The following ZNF599 variants were observed in gnomAD, a reference collection of about 807,000 sequenced individuals.
The protein encoded by ZNF599 is zinc finger protein 599.
A neutral mutation model predicts 11.7 loss-of-function variants in ZNF599; 10 were observed. That is an observed-to-expected ratio of 0.86 (90% CI 0.53 to 1.45). The LOEUF is 1.45. ZNF599 is among the 40% of genes most tolerant of loss of function. The probability of loss-of-function intolerance (pLI) is 0.00; values close to 1 mark genes in which losing one functional copy is unlikely to be tolerated. For synonymous variants in ZNF599, 232 were observed against 253.2 expected, an observed-to-expected ratio of 0.92 and a Z score of 0.79; for missense variants, 688 against 713.6, an observed-to-expected ratio of 0.96 and a Z score of 0.41.
At chr19:34,777,985 A>AG (rs888782104), upstream of ZNF599, among the ~76,000 whole-genome samples, 3 of 151,912 alleles carry the variant, frequency 2.0e-5, no homozygotes, top group Non-Finnish European at 2.9e-5. Context: ...CTACAGTAAA[A>AG]GGGGGGGAGG....
intron 2 of ZNF599, among the ~76,000 whole-genome samples, chr19:34,767,758 TAGTC>T (rs2069154584): frequency 6.6e-6 from 1 of 152,124 alleles, no homozygotes; most frequent in African/African-American, 2.4e-5. Context: ...CATCTATTGA[TAGTC>T]AGTTGTGTGA....
At chr19:34,787,750 C>T in the ZNF599 span, among the ~76,000 whole-genome samples, 1 of 152,146 alleles carries the variant, frequency 6.6e-6, no homozygotes, top group Non-Finnish European at 1.5e-5. Flanking sequence ...CTTCAACAGC[C>T]CATTACTTGA....
chr19:34,806,475 G>A, the ZNF599 span, among the ~76,000 whole-genome samples: 320 of 152,262 alleles, frequency 2.1e-3, 1 homozygote, highest in African/African-American at 7.6e-3. Flanking sequence ...AAGTGAAACC[G>A]TGCCCCAGGG....
chr19:34,761,308 G>A (rs1217768840), intron 3 of ZNF599, among the ~76,000 whole-genome samples: 9 of 152,170 alleles, frequency 5.9e-5, no homozygotes, highest in African/African-American at 1.9e-4. Flanking sequence ...GAAGAAAATT[G>A]TAAAACTTAA....
rs773616721 is a variant in ZNF599 at position 34,767,324 on chromosome 19, G to A, written c.233C>T (p.Thr78Ile). 1.8e-5 allele frequency: 29 copies of A among 1,613,902 alleles called. No homozygotes were observed. Among genetic ancestry groups the A allele is most frequent in the African/African-American group, 4.0e-5 (3 of 74,898 alleles). ...GACTCTCAGTCACCAACCTGCGCAG[G>A]TGCTTTGGGAGAGGCCTCTCTTCAC... ...WTVKRGLSQSTCAGEKAKPKI... is the reference protein window; with the variant it reads ...WTVKRGLSQSICAGEKAKPKI... Residue 78 changes from threonine (T) to isoleucine (I), a missense_variant, in exon 3 of 4, where the codon ACC becomes ATC. Physicochemically the swap from Thr to Ile is moderately conservative, Grantham distance 89. Transcript: ENST00000329285.
At chr19:34,799,420 G>A in the ZNF599 span, among the ~76,000 whole-genome samples, 34 of 152,210 alleles carry the variant, frequency 2.2e-4, no homozygotes, top group East Asian at 1.7e-3. Flanking sequence ...ATAATATTCC[G>A]TTGTGTGGAT....
rs1172837066 is a variant in ZNF599, at chr19:34,773,153, A to G, written c.-312T>C. 6 of 373,416 alleles carry G rather than the reference A, an allele frequency of 1.6e-5. No individual in the cohort carries two copies. Among genetic ancestry groups the G allele is most frequent in the Non-Finnish European group, 1.9e-5 (4 of 208,752 alleles). The allele number at this position is 373,416 out of a possible 1,614,324, so 23.1% of individuals were successfully genotyped here. A position where few individuals can be genotyped will look rare whatever the true frequency, so the allele number is the denominator to read the frequency against. ...AAAAGTGGCCCCTGTCTGGCGTTCT[A>G]CCCAGTGTAGCGTTGGCAACCACAG... is the stretch of plus-strand genomic sequence containing the variant. On this transcript the variant is annotated 5_prime_UTR_variant, in exon 1 of 4. Coordinates refer to ENST00000329285, the MANE Select transcript of ZNF599 (RefSeq NM_001007248.3).
chr19:34,799,419 C>T, the ZNF599 span, among the ~76,000 whole-genome samples: 4 of 152,086 alleles, frequency 2.6e-5, no homozygotes, highest in Non-Finnish European at 4.4e-5. Context: ...AATAATATTC[C>T]GTTGTGTGGA....
At chr19:34,796,315 AT>A in the ZNF599 span, among the ~76,000 whole-genome samples, 248 of 141,572 alleles carry the variant, frequency 1.8e-3, no homozygotes, top group Middle Eastern at 3.6e-3. Flanking sequence ...GAGCCCTTCA[AT>A]TTTTTTTTTT....
At chr19:34,789,006 TATATTCACCATGTTGTATAATAG>T in the ZNF599 span, among the ~76,000 whole-genome samples, 1 of 152,228 alleles carries the variant, frequency 6.6e-6, no homozygotes, top group Non-Finnish European at 1.5e-5. Context: ...TATTATTAAC[TATATTCACCATGTTGTATAATAG>T]ATTTCTTGAC....
Position 34,760,208 on chromosome 19 carries a change from G to A in ZNF599, c.593C>T (p.Pro198Leu). ...TTTCCCACATTCCGTGCATGTGTAA[G>A]GGTTATTCCTTGCATCAGTCATGGG... ...KDPMTDARNN[P>L]YTCTECGKGF... Residue 198 changes from proline (P) to leucine (L), a missense_variant, in exon 4 of 4, where the codon CCT (proline) becomes CTT (leucine). Physicochemically the swap from Pro to Leu is moderately conservative, Grantham distance 98 (BLOSUM62 -3). Transcript: ENST00000329285. The A allele has an allele frequency of 6.2e-7, 1 of 1,614,142 alleles. No individual in the cohort carries two copies. The highest frequency in any genetic ancestry group is 8.5e-7 in the Non-Finnish European group (1 of 1,180,018).
the ZNF599 span, among the ~76,000 whole-genome samples, chr19:34,799,657 C>T: frequency 6.6e-6 from 1 of 152,204 alleles, no homozygotes; most frequent in Non-Finnish European, 1.5e-5. Flanking sequence ...GTGTGGTGCT[C>T]TAACCTGCTA....
the ZNF599 span, among the ~76,000 whole-genome samples, chr19:34,798,212 CA>C: frequency 6.6e-6 from 1 of 152,162 alleles, no homozygotes; most frequent in Admixed American, 6.5e-5. Flanking sequence ...GCAATAGTTT[CA>C]GGGGGTCTCC....
the ZNF599 span, among the ~76,000 whole-genome samples, chr19:34,801,883 T>C: frequency 1.3e-5 from 2 of 152,188 alleles, no homozygotes; most frequent in African/African-American, 4.8e-5. Flanking sequence ...AAAGGATCAT[T>C]TTCCACATGC....
At chr19:34,787,219 TATCATCATCATCATC>T in the ZNF599 span, among the ~76,000 whole-genome samples, 1,024 of 148,632 alleles carry the variant, frequency 6.9e-3, 5 homozygotes, top group African/African-American at 0.023. Context: ...CGGCTATTTT[TATCATCATCATCATC>T]ATCATCATCA....
upstream of ZNF599, among the ~76,000 whole-genome samples, chr19:34,777,987 G>T (rs185836323): frequency 2.0e-5 from 3 of 152,198 alleles, no homozygotes; most frequent in East Asian, 3.9e-4. Flanking sequence ...ACAGTAAAAG[G>T]GGGGGAGGGG....
At chr19:34,788,011 T>G in the ZNF599 span, among the ~76,000 whole-genome samples, 1 of 152,240 alleles carries the variant, frequency 6.6e-6, no homozygotes, top group Non-Finnish European at 1.5e-5. Flanking sequence ...CGCCTTTTTT[T>G]CTTATTATTC....
chr19:34,782,731 G>A, the ZNF599 span, among the ~76,000 whole-genome samples: 1 of 152,194 alleles, frequency 6.6e-6, no homozygotes, highest in Admixed American at 6.5e-5. Context: ...GGGAAGATGT[G>A]AAGACCTTAC....
At chr19:34,777,941 G>A (rs1212079786), upstream of ZNF599, among the ~76,000 whole-genome samples, 2 of 151,954 alleles carry the variant, frequency 1.3e-5, no homozygotes, top group African/African-American at 4.8e-5. Context: ...CTTAAAATTT[G>A]TTAAGAGAGC....
Sources: allele counts gnomAD v4.1 joint callset (sites outside exome capture counted in the v4.1 genomes callset), GRCh38; gene constraint gnomAD v4.1.1; transcripts MANE v1.5; gene names NCBI Gene and HGNC (gene_info 2026-07-23, HGNC 2026-07-21).